ARR3: variants seen among roughly 807,000 people sequenced by gnomAD.
The protein encoded by ARR3 is arrestin-C.
In ARR3, 14 loss-of-function variants were observed where a neutral mutation model predicts 35.4. The ratio of observed to expected loss-of-function variants is 0.40; its 90% CI spans 0.26 to 0.62. The LOEUF (loss-of-function observed/expected upper bound fraction) is 0.62, where lower values mean the gene tolerates loss of function less well. ARR3 is among the 20% of genes least tolerant of loss of function. The pLI, the probability that ARR3 is intolerant of heterozygous loss-of-function variation, is 0.46. For synonymous variants in ARR3, 97 were observed against 119.1 expected (o/e 0.81, Z 1.21); for missense variants, 259 against 303.8 (o/e 0.85, Z 1.10).
chrX:70,269,545 C>G, intron 2 of ARR3, 117 bp from the exon 3 acceptor site: 2 of 1,012,832 alleles, frequency 2.0e-6, no homozygotes, highest in Non-Finnish European at 2.7e-6. Context: ...ATCCTATGCT[C>G]CTGGAGCCTC....
At chrX:70,268,803 G>C (rs192943014) in intron 1 of ARR3, among the ~76,000 whole-genome samples, 111 of 112,677 alleles carry the variant, frequency 9.9e-4, no homozygotes, top group African/African-American at 3.5e-3. Context: ...TTTGTTGAGA[G>C]TCAAGGGCAT....
chrX:70,278,478 A>G (rs750630614), intron 11 of ARR3, 26 bp from the exon 12 acceptor site: 2 of 1,202,360 alleles, frequency 1.7e-6, no homozygotes, highest in East Asian at 3.0e-5. Context: ...CCCAGCCTAA[A>G]TTCTTCTCTT....
At chrX:70,280,104 G>A in intron 12 of ARR3, 91 bp from the exon 13 acceptor site, 2 of 814,533 alleles carry the variant, frequency 2.5e-6, no homozygotes, top group Non-Finnish European at 3.7e-6. Context: ...ATAATAGGGT[G>A]TGGTGATAGG....
At chrX:70,274,563 CA>C (rs1197863290) in intron 5 of ARR3, among the ~76,000 whole-genome samples, 4 of 112,521 alleles carry the variant, frequency 3.6e-5, no homozygotes, top group Non-Finnish European at 7.5e-5. Context: ...TGTGCTGCCA[CA>C]GCAAAATACC....
In ARR3 at chrX:70,280,766, C is replaced by T. The variant is rs904972272; in HGVS notation, c.1014C>T (p.Ser338=). The change falls in exon 15 of 17, where the codon AGC becomes AGT. Residue 338 remains serine (S), a splice_region_variant and synonymous_variant. Coordinates refer to ENST00000307959, the MANE Select transcript of ARR3 (RefSeq NM_004312.3). Reference sequence around the variant, plus strand: ...TAACTCCACCTTGGGATCCTTGCAGCGATGTTGGTGTGGAGCTACCCTTGG... The same window carrying T: ...TAACTCCACCTTGGGATCCTTGCAGTGATGTTGGTGTGGAGCTACCCTTGG... ...CGGILGDLTA[S]DVGVELPLVL... is the part of the protein sequence containing the mutation. The T allele has an allele frequency of 4.1e-6, 5 of 1,208,766 alleles. No individual in the cohort carries two copies. The highest frequency in any genetic ancestry group is 2.2e-5 in the Admixed American group (1 of 45,614).
rs2085659881 is a variant in ARR3, at chrX:70,277,704, C to T, written c.610-12C>T. 8.3e-7 allele frequency: 1 copy of T among 1,207,187 alleles called. No individual in the cohort carries two copies. Among genetic ancestry groups the T allele is most frequent in the African/African-American group, 1.7e-5 (1 of 57,664 alleles). On this transcript the variant is annotated splice_polypyrimidine_tract_variant and intron_variant, in intron 9 of 16. Coordinates refer to ENST00000307959, the MANE Select transcript of ARR3 (RefSeq NM_004312.3). ...CCTCCAGCCTTGACATGGGTCCCCG[C>T]TCCTGCTTTAGGTTCACTACCACGG...
chrX:70,281,802 C>G lies in ARR3; in HGVS notation c.*36C>G. On this transcript the variant is annotated 3_prime_UTR_variant, in exon 17 of 17. Transcript: ENST00000307959. Reference sequence around the variant, plus strand: ...CTGGTGCCCGTCTGTGTGGGAGCCCCCACTGTAACACTCTAATAAATCAGT... The same window carrying G: ...CTGGTGCCCGTCTGTGTGGGAGCCCGCACTGTAACACTCTAATAAATCAGT... 4.8e-6 allele frequency: 5 copies of G among 1,047,259 alleles called. No homozygotes were observed. Among genetic ancestry groups the G allele is most frequent in the Non-Finnish European group, 6.5e-6 (5 of 771,139 alleles). 86.3% of individuals were successfully genotyped at this position (1,047,259 alleles called of 1,213,427 possible). A position where few individuals can be genotyped will look rare whatever the true frequency, so the allele number is the denominator to read the frequency against.
chrX:70,278,503 G>C lies in ARR3; in HGVS notation c.768-1G>C, dbSNP rs187822519. 4 of 1,206,121 alleles carry C rather than the reference G, an allele frequency of 3.3e-6. No homozygotes were observed. Among genetic ancestry groups the C allele is most frequent in the Non-Finnish European group, 3.4e-6 (3 of 893,353 alleles). On this transcript the variant is annotated splice_acceptor_variant, in intron 11 of 16. Coordinates refer to ENST00000307959, the MANE Select transcript of ARR3 (RefSeq NM_004312.3). LOFTEE classifies it high-confidence loss of function. ...ATTCTTCTCTTGTTCTTCTTTTGTA[G>C]GGAGACTGTAGCTGCTAATTCCAGC...
At chrX:70,268,676 G>A (rs1056268208) in intron 1 of ARR3, among the ~76,000 whole-genome samples, 18 of 111,954 alleles carry the variant, frequency 1.6e-4, no homozygotes, top group Non-Finnish European at 3.2e-4. Context: ...TCTAGGAAAG[G>A]CAATGAGAGG....
Position 70,278,254 on chromosome X carries a change from G to A in ARR3, c.767+116G>A. The A allele has an allele frequency of 6.7e-6, 5 of 741,005 alleles. No homozygotes were observed. The South Asian group carries it at 1.1e-4, about 16-fold the overall frequency. The allele number at this position is 741,005 out of a possible 1,213,427, so 61.1% of individuals were successfully genotyped here. On this transcript the variant is annotated intron_variant, in intron 11 of 16. Coordinates refer to ENST00000307959, the MANE Select transcript of ARR3 (RefSeq NM_004312.3). Reference sequence around the variant, plus strand: ...GAAGAGTGGTGGAAGATTCCAGGGAGGGATTCCCAGGAGAACTAGATGGAG... The same window carrying A: ...GAAGAGTGGTGGAAGATTCCAGGGAAGGATTCCCAGGAGAACTAGATGGAG...
At chrX:70,275,826 C>T (rs2085649881) in intron 5 of ARR3, among the ~76,000 whole-genome samples, 1 of 107,893 alleles carries the variant, frequency 9.3e-6, no homozygotes, top group South Asian at 4.2e-4. Flanking sequence ...CCCACTACCA[C>T]CAAGCCAGGC....
At chrX:70,278,667 T>A in intron 12 of ARR3, 26 bp downstream of exon 12, 1 of 1,197,328 alleles carries the variant, frequency 8.4e-7, no homozygotes, top group Non-Finnish European at 1.1e-6. Context: ...ACTCTCAGCC[T>A]CCATTTCCTA....
intron 7 of ARR3, 65 bp from the exon 8 acceptor site, chrX:70,276,604 A>G: frequency 8.5e-7 from 1 of 1,176,318 alleles, no homozygotes; most frequent in East Asian, 3.0e-5. Context: ...GCATTTTCTT[A>G]TAGGCCCATG....
At chrX:70,279,315 T>C (rs17264923) in intron 12 of ARR3, among the ~76,000 whole-genome samples, 10,570 of 112,275 alleles carry the variant, frequency 0.094, 510 homozygotes, top group East Asian at 0.41. Flanking sequence ...ATCTGTCAAG[T>C]GTAATCCCTC....
At chrX:70,277,668 T>G in intron 9 of ARR3, 48 bp from the exon 10 acceptor site, 5 of 1,182,324 alleles carry the variant, frequency 4.2e-6, no homozygotes, top group Non-Finnish European at 5.7e-6. Flanking sequence ...GGTCTCCATC[T>G]GCGTATTCGT....
rs772427806 is a variant in ARR3 at position 70,276,511 on chromosome X, G to A, written c.405+19G>A. On this transcript the variant is annotated intron_variant, in intron 7 of 16. Coordinates refer to ENST00000307959, the MANE Select transcript of ARR3 (RefSeq NM_004312.3). ...AGGAAAGGTGAGGACTGGGTTCTAA[G>A]AAAGAGGGATAGGTAGTGCCAGGGA... 1.7e-6 allele frequency: 2 copies of A among 1,206,229 alleles called. No homozygotes were observed. Among genetic ancestry groups the A allele is most frequent in the Non-Finnish European group, 2.2e-6 (2 of 890,319 alleles).
intron 11 of ARR3, 120 bp downstream of exon 11, chrX:70,278,258 T>C (rs1264067127): frequency 2.8e-6 from 2 of 725,176 alleles, no homozygotes; most frequent in Non-Finnish European, 4.1e-6. Context: ...CAGGGAGGGA[T>C]TCCCAGGAGA....
Position 70,274,228 on chromosome X carries a change from G to A in ARR3, c.146-1854G>A, listed in dbSNP as rs572300038. The stretch of plus-strand genomic sequence containing the variant: ...TTTTTTTTTTTTTTTCTGAGACAGA[G>A]ACTCACTCTGTCACCCCCACTGGAG... On this transcript the variant is annotated intron_variant, in intron 5 of 16. Transcript: ENST00000307959. Among the ~76,000 whole-genome samples, 12 of 94,757 alleles carry A rather than the reference G, an allele frequency of 1.3e-4. No homozygotes were observed. The South Asian group carries it at 6.8e-3, about 54-fold the overall frequency. The allele number at this position is 94,757 out of a possible 115,157, so 82.3% of individuals were successfully genotyped here. A position where few individuals can be genotyped will look rare whatever the true frequency, so the allele number is the denominator to read the frequency against.
At chrX:70,277,670 C>T (rs1011583803) in intron 9 of ARR3, 46 bp from the exon 10 acceptor site, 14 of 1,179,881 alleles carry the variant, frequency 1.2e-5, no homozygotes, top group South Asian at 5.5e-5. Context: ...TCTCCATCTG[C>T]GTATTCGTCC....
Sources: gnomAD v4.1 joint callset for allele counts (sites outside exome capture counted in the v4.1 genomes callset) on GRCh38, gnomAD v4.1.1 for gene constraint, MANE v1.5 for transcripts, NCBI Gene and HGNC (gene_info 2026-07-23, HGNC 2026-07-21) for gene names.